The following SDE2 variants were observed in gnomAD, a reference collection of about 807,000 sequenced individuals.
The protein encoded by SDE2 is spliceosome associated SDE2, also known as splicing regulator SDE2.
A neutral mutation model predicts 46.9 loss-of-function variants in SDE2; 31 were observed. The ratio of observed to expected loss-of-function variants is 0.66; its 90% CI spans 0.50 to 0.89. The LOEUF (loss-of-function observed/expected upper bound fraction) is 0.89. SDE2 is among the 40% of genes least tolerant of loss of function. The probability of loss-of-function intolerance (pLI) is 0.00; values close to 1 mark genes in which losing one functional copy is unlikely to be tolerated. For missense variants in SDE2, 542 were observed against 564.4 expected, an observed-to-expected ratio of 0.96 and a Z score of 0.40; for synonymous variants, 205 against 204.3, an observed-to-expected ratio of 1.00 and a Z score of -0.03.
intron 6 of SDE2, 151 bp downstream of exon 6, chr1:225,987,745 A>G (rs1656297739): frequency 2.6e-6 from 2 of 770,562 alleles, no homozygotes; most frequent in South Asian, 3.9e-5. Flanking sequence ...TTTTTGGGGA[A>G]TAAGGCAAGC....
In SDE2 at chr1:225,985,541, G is replaced by A; in HGVS notation, c.1135-18C>T. 6.7e-7 allele frequency: 1 copy of A among 1,499,220 alleles called. No homozygotes were observed. Among genetic ancestry groups the A allele is most frequent in the South Asian group, 1.1e-5 (1 of 88,178 alleles). 92.9% of individuals were successfully genotyped at this position (1,499,220 alleles called of 1,614,324 possible). ...TCAATAACCTGAGGGAAAAAAATAA[G>A]AAAATATTTAAAACAGGCTCCTTCC... On this transcript the variant is annotated intron_variant, in intron 6 of 6. Coordinates refer to ENST00000272091, the MANE Select transcript of SDE2 (RefSeq NM_152608.4).
At chr1:225,986,795 T>TA (rs1011983260) in intron 6 of SDE2, among the ~76,000 whole-genome samples, 2 of 152,144 alleles carry the variant, frequency 1.3e-5, no homozygotes, top group Non-Finnish European at 1.5e-5. Flanking sequence ...GACCTTAGCA[T>TA]AAAAAAATTC....
At chr1:225,995,198 G>T in intron 2 of SDE2, 68 bp downstream of exon 2, 1 of 815,364 alleles carries the variant, frequency 1.2e-6, no homozygotes, top group South Asian at 1.5e-5. Flanking sequence ...GTCAGCAGCA[G>T]AATATGAAAA....
chr1:225,994,950 G>A (rs915925350), intron 2 of SDE2, among the ~76,000 whole-genome samples: 8 of 152,138 alleles, frequency 5.3e-5, no homozygotes, highest in African/African-American at 1.9e-4. Context: ...AAACTGAGGT[G>A]GGAGTATTGC....
At chr1:225,986,335 T>C (rs1656267449) in intron 6 of SDE2, among the ~76,000 whole-genome samples, 1 of 136,426 alleles carries the variant, frequency 7.3e-6, no homozygotes, top group African/African-American at 2.7e-5. Context: ...ACTCTGTCAT[T>C]AAAAAAAAAA....
intron 6 of SDE2, among the ~76,000 whole-genome samples, chr1:225,986,246 T>C (rs1455584578): frequency 6.6e-6 from 1 of 151,528 alleles, no homozygotes; most frequent in Non-Finnish European, 1.5e-5. Context: ...CTTGGGAGAC[T>C]GAGGCAGGAG....
rs902973136 is a variant in SDE2, at chr1:225,984,393, G to A, written c.*909C>T. The A allele has an allele frequency of 1.3e-4, 19 of 151,994 alleles. No individual in the cohort carries two copies. The highest frequency in any genetic ancestry group is 4.4e-4 in the African/African-American group (18 of 41,378). 9.4% of individuals were successfully genotyped at this position (151,994 alleles called of 1,614,324 possible). A position where few individuals can be genotyped will look rare whatever the true frequency, so the allele number is the denominator to read the frequency against. ...TAACGTCTAAGATCAATGACCTAAGGCTTATCTTAAGGAACTAAAGAAAAA... is the reference window on the plus strand; with the variant it reads ...TAACGTCTAAGATCAATGACCTAAGACTTATCTTAAGGAACTAAAGAAAAA... On this transcript the variant is annotated 3_prime_UTR_variant, in exon 7 of 7. Transcript: ENST00000272091.
At chr1:225,997,387 G>T (rs1050390372) in intron 1 of SDE2, among the ~76,000 whole-genome samples, 2 of 152,042 alleles carry the variant, frequency 1.3e-5, no homozygotes, top group Admixed American at 6.6e-5. Flanking sequence ...ATTTGCTATG[G>T]TCATGTTCCT....
intron 4 of SDE2, among the ~76,000 whole-genome samples, chr1:225,991,884 C>T (rs71646759): frequency 0.066 from 10,109 of 152,234 alleles, 449 homozygotes; most frequent in Non-Finnish European, 0.1. Flanking sequence ...ATTTTCTTAC[C>T]TGGGGCCCAT....
chr1:225,991,919 A>G (rs921551211), intron 4 of SDE2, among the ~76,000 whole-genome samples: 1 of 152,242 alleles, frequency 6.6e-6, no homozygotes, highest in Admixed American at 6.5e-5. Flanking sequence ...CAGGGGTTAA[A>G]TATGCCAAAT....
chr1:225,988,143 T>G lies in SDE2; in HGVS notation c.887A>C (p.Asp296Ala). Residue 296 changes from aspartate to alanine, a missense_variant, in exon 6 of 7, where the codon GAC becomes GCC. By Grantham distance (126) the Asp-to-Ala change is moderately radical. Transcript: ENST00000272091. The part of the protein sequence containing the change: ...VTDSGRHILE[D>A]SCAELGESKE... Reference sequence around the variant, plus strand: ...GGACTCCCCCAGCTCAGCACATGAGTCTTCTAAAATATGCCTCCCAGAGTC... The same window carrying G: ...GGACTCCCCCAGCTCAGCACATGAGGCTTCTAAAATATGCCTCCCAGAGTC... 2 of 1,614,160 alleles carry G rather than the reference T, an allele frequency of 1.2e-6. No homozygotes were observed. Among genetic ancestry groups the G allele is most frequent in the Non-Finnish European group, 1.7e-6 (2 of 1,180,032 alleles).
rs1425247056 is a variant in SDE2 at position 225,999,174 on chromosome 1, C to T, written c.120+19G>A. 2 of 1,605,464 alleles carry T rather than the reference C, an allele frequency of 1.2e-6. No individual in the cohort carries two copies. Among genetic ancestry groups the T allele is most frequent in the East Asian group, 2.2e-5 (1 of 44,626 alleles). ...CTGTCTGCCTCTTTCTCCTTCCTAA[C>T]AGGAACCGAAATCCTCACCTGATCT... On this transcript the variant is annotated intron_variant, in intron 1 of 6. Coordinates refer to ENST00000272091, the MANE Select transcript of SDE2 (RefSeq NM_152608.4).
Position 225,995,398 on chromosome 1 carries a change from GT to G in SDE2, c.121-16del. ...ACTGGAACATTCTAGAGACAAATTT[GT>G]TTTTTTAATGCCTTTTATGAGATAA... is the stretch of plus-strand genomic sequence containing the variant. On this transcript the variant is annotated splice_polypyrimidine_tract_variant and intron_variant, in intron 1 of 6. Coordinates refer to ENST00000272091, the MANE Select transcript of SDE2 (RefSeq NM_152608.4). 2 of 1,430,158 alleles carry G rather than the reference GT, an allele frequency of 1.4e-6. No homozygotes were observed. The highest frequency in any genetic ancestry group is 1.7e-5 in the Admixed American group (1 of 58,106). 88.6% of individuals were successfully genotyped at this position (1,430,158 alleles called of 1,614,324 possible). A position where few individuals can be genotyped will look rare whatever the true frequency, so the allele number is the denominator to read the frequency against.
rs542012426 is a variant in SDE2 at position 225,999,265 on chromosome 1, C to A, written c.48G>T (p.Gly16=). 200 of 1,612,998 alleles carry A rather than the reference C, an allele frequency of 1.2e-4. 1 individual carries two copies. The East Asian group carries it at 4.2e-3, about 34-fold the overall frequency. The change falls in exon 1 of 7, where the codon GGG becomes GGT. Residue 16 remains glycine (G), a synonymous_variant. Coordinates refer to ENST00000272091, the MANE Select transcript of SDE2 (RefSeq NM_152608.4). ...ALVWIRGPGF[G]CKAVRCASGR... Reference sequence around the variant, plus strand: ...CCGAGGCACACCGCACCGCCTTGCACCCGAAGCCAGGGCCGCGAATCCACA... The same window carrying A: ...CCGAGGCACACCGCACCGCCTTGCAACCGAAGCCAGGGCCGCGAATCCACA...
In SDE2 at chr1:225,988,302, C is replaced by G; in HGVS notation, c.728G>C (p.Gly243Ala). ...DDSEEAPSTS[G>A]MGFHAPKIGS... The stretch of plus-strand genomic sequence containing the variant: ...AATTTTTGGAGCATGGAAACCCATT[C>G]CTGAAGTGCTTGGTGCTTCTTCACT... The change falls in exon 6 of 7, where the codon GGA (glycine) becomes GCA (alanine). Residue 243 changes from glycine to alanine, a missense_variant. This residue lies in a region of SDE2 where 401 missense variants were observed against 437.8 expected (regional missense o/e 0.92). Transcript: ENST00000272091. The G allele has an allele frequency of 6.2e-7, 1 of 1,614,210 alleles. No homozygotes were observed. The highest frequency in any genetic ancestry group is 8.5e-7 in the Non-Finnish European group (1 of 1,180,036).
chr1:225,987,937 C>T lies in SDE2; in HGVS notation c.1093G>A (p.Val365Ile), dbSNP rs760583329. The T allele has an allele frequency of 3.7e-6, 6 of 1,612,878 alleles. No individual in the cohort carries two copies. The highest frequency in any genetic ancestry group is 2.2e-5 in the South Asian group (2 of 90,780). Residue 365 changes from valine (V) to isoleucine (I), a missense_variant, in exon 6 of 7, where the codon GTT becomes ATT. Around this residue, in one of 3 missense-constraint regions of SDE2, gnomAD observed 401 missense variants for 437.8 expected, o/e 0.92. Transcript: ENST00000272091. ...CTTTCCTGCAGTTTGGCAACGGCAACGTTTTCCCTTTCTTCAGGTGCTACC... is the reference window on the plus strand; with the variant it reads ...CTTTCCTGCAGTTTGGCAACGGCAATGTTTTCCCTTTCTTCAGGTGCTACC... ...AEVAPEEREN[V>I]AVAKLQESQP...
chr1:225,986,974 T>C (rs958518892), intron 6 of SDE2, among the ~76,000 whole-genome samples: 1 of 152,258 alleles, frequency 6.6e-6, no homozygotes, highest in African/African-American at 2.4e-5. Context: ...ACAGAGATTT[T>C]TGCTGGAAGC....
chr1:225,996,328 T>C (rs1656523786), intron 1 of SDE2, among the ~76,000 whole-genome samples: 1 of 152,208 alleles, frequency 6.6e-6, no homozygotes, highest in Admixed American at 6.6e-5. Context: ...TGTTTACACA[T>C]TAGAAGCCTT....
chr1:225,988,228 T>TC lies in SDE2; in HGVS notation c.801dup (p.Arg268GlufsTer21). 6.2e-7 allele frequency: 1 copy of TC among 1,614,178 alleles called. No homozygotes were observed. Among genetic ancestry groups the TC allele is most frequent in the Non-Finnish European group, 8.5e-7 (1 of 1,180,018 alleles). The stretch of plus-strand genomic sequence containing the variant: ...TGGTCTGTATTCACTACTCTCGCCC[T>TC]CTGAGAACCACTGGGAAATTTGGCT... On this transcript the variant is annotated frameshift_variant, in exon 6 of 7. Coordinates refer to ENST00000272091, the MANE Select transcript of SDE2 (RefSeq NM_152608.4). LOFTEE classifies it high-confidence loss of function.
Sources: allele counts gnomAD v4.1 joint callset (sites outside exome capture counted in the v4.1 genomes callset), GRCh38; gene constraint gnomAD v4.1.1; regional missense constraint gnomAD v4.1.1; transcripts MANE v1.5; gene names NCBI Gene and HGNC (gene_info 2026-07-23, HGNC 2026-07-21).